FYN: variants seen among roughly 807,000 people sequenced by gnomAD.
FYN encodes tyrosine-protein kinase Fyn.
In FYN, 10 loss-of-function variants were observed where a neutral mutation model predicts 70.2. That is an observed-to-expected ratio of 0.14 (90% CI 0.09 to 0.24). The LOEUF is 0.24. FYN is among the 10% of genes least tolerant of loss of function. FYN has a pLI of 1.00. For synonymous variants in FYN, 236 were observed against 248.6 expected, an observed-to-expected ratio of 0.95 and a Z score of 0.48; for missense variants, 319 against 673.1, an observed-to-expected ratio of 0.47 and a Z score of 5.82.
At chr6:111,791,000 G>A (rs553829069) in intron 2 of FYN, among the ~76,000 whole-genome samples, 3 of 152,048 alleles carry the variant, frequency 2.0e-5, no homozygotes, top group Non-Finnish European at 4.4e-5. Context: ...CATCTTAACT[G>A]AACCACCAAT....
intron 6 of FYN, among the ~76,000 whole-genome samples, chr6:111,706,585 G>C (rs916970898): frequency 3.3e-5 from 5 of 152,138 alleles, no homozygotes; most frequent in African/African-American, 1.2e-4. Context: ...TAAAACAGTG[G>C]TGAAAAAGGA....
At chr6:111,793,351 C>A (rs541378043) in intron 2 of FYN, among the ~76,000 whole-genome samples, 2 of 152,130 alleles carry the variant, frequency 1.3e-5, no homozygotes, top group Non-Finnish European at 2.9e-5. Flanking sequence ...GATATTCAAG[C>A]CCATTTTTTT....
chr6:111,786,874 T>C (rs1007315628), intron 2 of FYN, among the ~76,000 whole-genome samples: 1 of 152,262 alleles, frequency 6.6e-6, no homozygotes, highest in Non-Finnish European at 1.5e-5. Context: ...TTTTGAGAAG[T>C]GTCTGTTCAT....
chr6:111,782,387 A>C (rs991333135), intron 2 of FYN, among the ~76,000 whole-genome samples: 4 of 152,186 alleles, frequency 2.6e-5, no homozygotes, highest in Admixed American at 1.3e-4. Context: ...TGCTTGTCCT[A>C]CATGAGCTCA....
At chr6:111,806,867 T>C (rs758649589) in intron 2 of FYN, among the ~76,000 whole-genome samples, 64 of 152,146 alleles carry the variant, frequency 4.2e-4, no homozygotes, top group Non-Finnish European at 8.1e-4. Context: ...GAATCCTACA[T>C]GCCCCAAGAG....
intron 2 of FYN, chr6:111,798,330 T>C (rs1771882775): frequency 1.3e-5 from 2 of 152,310 alleles, no homozygotes; most frequent in South Asian, 2.1e-4. Flanking sequence ...TTTAAATAAA[T>C]ATATTCATAT....
intron 3 of FYN, among the ~76,000 whole-genome samples, chr6:111,762,486 A>T (rs1399991401): frequency 1.3e-5 from 2 of 152,150 alleles, no homozygotes; most frequent in Non-Finnish European, 2.9e-5. Context: ...TTCAGGCACA[A>T]CTGGCTGGCA....
chr6:111,828,430 C>T (rs1302702335), intron 2 of FYN, among the ~76,000 whole-genome samples: 3 of 152,092 alleles, frequency 2.0e-5, no homozygotes, highest in South Asian at 2.1e-4. Context: ...AAATTGAAAA[C>T]GGGGTCTCCA....
chr6:111,810,679 G>C (rs1049255082), intron 2 of FYN, among the ~76,000 whole-genome samples: 3 of 152,062 alleles, frequency 2.0e-5, no homozygotes, highest in African/African-American at 4.8e-5. Flanking sequence ...CAGTGCCTGG[G>C]TGCACTCACA....
At chr6:111,799,464 A>G (rs1262827137) in intron 2 of FYN, among the ~76,000 whole-genome samples, 1 of 152,198 alleles carries the variant, frequency 6.6e-6, no homozygotes, top group African/African-American at 2.4e-5. Flanking sequence ...TGACTTAATA[A>G]CAAGTGTACC....
chr6:111,712,894 T>C (rs972928796), intron 5 of FYN, among the ~76,000 whole-genome samples: 1 of 152,154 alleles, frequency 6.6e-6, no homozygotes, highest in Non-Finnish European at 1.5e-5. Context: ...CAACATAAAA[T>C]TTATCATTTT....
chr6:111,725,460 G>A (rs1463425228), intron 3 of FYN, among the ~76,000 whole-genome samples: 1 of 152,182 alleles, frequency 6.6e-6, no homozygotes, highest in Non-Finnish European at 1.5e-5. Flanking sequence ...TGCCTTCTGG[G>A]GACAGACGGG....
intron 3 of FYN, among the ~76,000 whole-genome samples, chr6:111,767,860 G>T (rs1803295235): frequency 6.6e-6 from 1 of 152,210 alleles, no homozygotes; most frequent in South Asian, 2.1e-4. Flanking sequence ...ATCAGGATAA[G>T]CAAACTGAAT....
intron 1 of FYN, among the ~76,000 whole-genome samples, chr6:111,854,776 T>A (rs1252372647): frequency 1.3e-5 from 2 of 152,208 alleles, no homozygotes; most frequent in Non-Finnish European, 2.9e-5. Context: ...ATGATGAACA[T>A]AAATTCACAC....
At chr6:111,682,034 C>T (rs1798802200) in intron 12 of FYN, among the ~76,000 whole-genome samples, 1 of 152,160 alleles carries the variant, frequency 6.6e-6, no homozygotes, top group South Asian at 2.1e-4. Context: ...AATGCAAATC[C>T]TTTGAGGTTG....
At chr6:111,810,000 A>G (rs544627947) in intron 2 of FYN, among the ~76,000 whole-genome samples, 6 of 152,274 alleles carry the variant, frequency 3.9e-5, no homozygotes, top group Admixed American at 3.9e-4. Flanking sequence ...TTAATGACTG[A>G]TTTCCTTACT....
intron 10 of FYN, among the ~76,000 whole-genome samples, chr6:111,695,004 T>A (rs941094898): frequency 6.6e-6 from 1 of 152,214 alleles, no homozygotes; most frequent in East Asian, 1.9e-4. Context: ...GAGGAACCTA[T>A]GAAGAACTGC....
intron 2 of FYN, among the ~76,000 whole-genome samples, chr6:111,784,384 C>A (rs1411770670): frequency 6.6e-6 from 1 of 152,182 alleles, no homozygotes; most frequent in Non-Finnish European, 1.5e-5. Context: ...TGGGCTCAAT[C>A]ATATGAGGGA....
chr6:111,678,110 G>A (rs148761503), intron 12 of FYN, among the ~76,000 whole-genome samples: 2 of 36,810 alleles, frequency 5.4e-5, no homozygotes, highest in Non-Finnish European at 1.4e-4. Context: ...GCCATAATAT[G>A]TGTGTGTGTG....
Sources: gnomAD v4.1 joint callset for allele counts (sites outside exome capture counted in the v4.1 genomes callset) on GRCh38, gnomAD v4.1.1 for gene constraint, MANE v1.5 for transcripts, NCBI Gene and HGNC (gene_info 2026-07-23, HGNC 2026-07-21) for gene names.